Variants in ZNF461 observed in about 807,000 individuals in gnomAD.
ZNF461 encodes the protein gonadotropin-inducible ovarian transcription factor-1.
ZNF461 carries 16 observed loss-of-function variants against 18.3 expected under a neutral mutation model. The ratio of observed to expected loss-of-function variants is 0.88; its 90% CI spans 0.59 to 1.33. ZNF461 has a LOEUF of 1.33. ZNF461 is among the 40% of genes most tolerant of loss of function. The pLI is 0.00. For synonymous variants in ZNF461, 179 were observed against 216.9 expected (o/e 0.83, Z 1.54); for missense variants, 595 against 669.9 (o/e 0.89, Z 1.23).
intron 4 of ZNF461, among the ~76,000 whole-genome samples, chr19:36,644,468 C>T (rs2037486212): frequency 1.3e-5 from 2 of 150,898 alleles, no homozygotes. Context: ...GGGGTTTCAC[C>T]ATGTTGGCCA....
rs1338100431 is a variant in ZNF461 at position 36,638,498 on chromosome 19, T to C, written c.*155A>G. ...CAATAACTCAGAAACAGCATTAAAA[T>C]GAGACCAAAATTTACACTTTAGTTA... On this transcript the variant is annotated 3_prime_UTR_variant, in exon 6 of 6. Coordinates refer to ENST00000588268, the MANE Select transcript of ZNF461 (RefSeq NM_153257.5). The C allele has an allele frequency of 1.5e-5, 9 of 592,360 alleles. No homozygotes were observed. The highest frequency in any genetic ancestry group is 2.2e-5 in the Non-Finnish European group (8 of 359,912). 36.7% of individuals were successfully genotyped at this position (592,360 alleles called of 1,614,324 possible).
chr19:36,643,700 A>T, intron 5 of ZNF461, 94 bp downstream of exon 5: 1 of 1,212,734 alleles, frequency 8.2e-7, no homozygotes, highest in Non-Finnish European at 1.1e-6. Context: ...TTTCTAGAGT[A>T]GTAGGTTTGG....
In ZNF461 at chr19:36,638,414, C is replaced by T. The variant is rs2037337910; in HGVS notation, c.*239G>A. ...AAATATTTCACTGGTTTCAGTGAAA[C>T]ATGTAATTTTAGAAAATTTATTCTC... On this transcript the variant is annotated 3_prime_UTR_variant, in exon 6 of 6. Coordinates refer to ENST00000588268, the MANE Select transcript of ZNF461 (RefSeq NM_153257.5). 1.2e-5 allele frequency: 4 copies of T among 333,020 alleles called. No homozygotes were observed. The Admixed American group carries it at 1.7e-4, about 14-fold the overall frequency. 20.6% of individuals were successfully genotyped at this position (333,020 alleles called of 1,614,324 possible).
intron 4 of ZNF461, among the ~76,000 whole-genome samples, chr19:36,651,226 G>A (rs1174874927): frequency 6.3e-5 from 7 of 110,708 alleles, no homozygotes; most frequent in South Asian, 3.1e-4. Context: ...GCGAGACTCC[G>A]TCTCAGGAAA....
intron 3 of ZNF461, among the ~76,000 whole-genome samples, chr19:36,657,084 T>C (rs1359659484): frequency 1.3e-5 from 2 of 151,852 alleles, no homozygotes; most frequent in East Asian, 3.9e-4. Flanking sequence ...CGTCCCAAAG[T>C]GCTGGGATTA....
At chr19:36,660,730 A>G (rs2037804594) in intron 2 of ZNF461, among the ~76,000 whole-genome samples, 1 of 151,972 alleles carries the variant, frequency 6.6e-6, no homozygotes, top group Non-Finnish European at 1.5e-5. Context: ...AAAAGCTGAA[A>G]GAATTTGTCA....
intron 5 of ZNF461, among the ~76,000 whole-genome samples, chr19:36,640,567 T>C (rs2037406265): frequency 6.6e-6 from 1 of 152,216 alleles, no homozygotes; most frequent in Non-Finnish European, 1.5e-5. Flanking sequence ...GGGTTCTGCC[T>C]AAAGAAATAC....
intron 4 of ZNF461, among the ~76,000 whole-genome samples, chr19:36,645,399 T>C (rs2037508520): frequency 6.6e-6 from 1 of 152,240 alleles, no homozygotes; most frequent in Admixed American, 6.5e-5. Context: ...TTTCTTAGCA[T>C]ACAGCACCAA....
At position 36,639,290 on chromosome 19, in the gene ZNF461, G is replaced by A. The variant is rs531868523; in HGVS notation, c.1055C>T (p.Thr352Ile). The A allele has an allele frequency of 4.9e-5, 79 of 1,614,004 alleles. No individual in the cohort carries two copies. In the South Asian group the frequency reaches 5.7e-4, roughly 12 times the overall value. ...TTTACATTCATAAGGTTTCTCTCCA[G>A]TATGGAGTCGCAGGTGTTCAGTAAG... ...FQLTEHLRLHTGEKPYECKEC... is the reference protein window; with the variant it reads ...FQLTEHLRLHIGEKPYECKEC... Residue 352 changes from threonine to isoleucine, a missense_variant, in exon 6 of 6, where the codon ACT becomes ATT. Transcript: ENST00000588268.
At position 36,658,302 on chromosome 19, in the gene ZNF461, G is replaced by GT. The variant is rs1274200485; in HGVS notation, c.132dup (p.Leu45ThrfsTer7). 1 of 1,606,774 alleles carries GT rather than the reference G, an allele frequency of 6.2e-7. No individual in the cohort carries two copies. Among genetic ancestry groups the GT allele is most frequent in the East Asian group, 2.2e-5 (1 of 44,742 alleles). The stretch of plus-strand genomic sequence containing the variant: ...CTTAATTTTTAGATAACTTTACCAA[G>GT]TGACACCAAGTTGCTATAATTCTCC... On this transcript the variant is annotated frameshift_variant, in exon 3 of 6. Coordinates refer to ENST00000588268, the MANE Select transcript of ZNF461 (RefSeq NM_153257.5). LOFTEE classifies it high-confidence loss of function.
chr19:36,640,497 G>C (rs1600412097), intron 5 of ZNF461, among the ~76,000 whole-genome samples: 1 of 152,254 alleles, frequency 6.6e-6, no homozygotes, highest in Middle Eastern at 3.4e-3. Context: ...TGAGAATAAA[G>C]CTGCCAATAT....
chr19:36,648,096 G>A (rs1458012786), intron 4 of ZNF461, among the ~76,000 whole-genome samples: 7 of 151,964 alleles, frequency 4.6e-5, no homozygotes, highest in South Asian at 4.1e-4. Context: ...CAGGAGAATC[G>A]CTTGAAACCG....
intron 3 of ZNF461, among the ~76,000 whole-genome samples, chr19:36,656,983 C>A (rs904203194): frequency 1.3e-5 from 2 of 151,732 alleles, no homozygotes; most frequent in African/African-American, 2.4e-5. Flanking sequence ...CTCTGCCTGG[C>A]TAATTTTTGT....
intron 4 of ZNF461, among the ~76,000 whole-genome samples, chr19:36,645,725 A>G (rs1230581978): frequency 6.6e-6 from 1 of 152,162 alleles, no homozygotes; most frequent in African/African-American, 2.4e-5. Flanking sequence ...CTAGAGTCAT[A>G]ATATTCTGGA....
chr19:36,658,403 A>G lies in ZNF461; in HGVS notation c.32T>C (p.Val11Ala), dbSNP rs2037762580. The part of the protein sequence containing the change: MAHELVMFRD[V>A]AIDVSQEEWE... ...TTCCTCCTGAGAGACATCTATAGCC[A>G]CATCTCTGAACATCACCAACTCCTA... is the stretch of plus-strand genomic sequence containing the variant. The change falls in exon 3 of 6, where the codon GTG (valine) becomes GCG (alanine). Residue 11 changes from valine to alanine, a missense_variant. By Grantham distance (64) the Val-to-Ala change is moderately conservative (BLOSUM62 0). Coordinates refer to ENST00000588268, the MANE Select transcript of ZNF461 (RefSeq NM_153257.5). 2 of 1,609,550 alleles carry G rather than the reference A, an allele frequency of 1.2e-6. No individual in the cohort carries two copies. The highest frequency in any genetic ancestry group is 2.7e-5 in the African/African-American group (2 of 74,810).
intron 5 of ZNF461, among the ~76,000 whole-genome samples, chr19:36,642,967 C>A (rs1435957228): frequency 6.6e-6 from 1 of 151,976 alleles, no homozygotes; most frequent in Non-Finnish European, 1.5e-5. Context: ...TGGGGTTTCA[C>A]CATGCTGGCC....
intron 1 of ZNF461, among the ~76,000 whole-genome samples, chr19:36,666,339 C>A (rs1255145605): frequency 6.6e-6 from 1 of 152,046 alleles, no homozygotes; most frequent in Non-Finnish European, 1.5e-5. Flanking sequence ...GGGCATCCAC[C>A]CGCTTCGGGC....
At position 36,639,108 on chromosome 19, in the gene ZNF461, A is replaced by G. The variant is rs2037360508; in HGVS notation, c.1237T>C (p.Tyr413His). ...GCCTTCCCACATTCATGACATTCAT[A>G]AGGTTTCTTGCCAGAATGAATTTTC... ...HQKIHSGKKP[Y>H]ECHECGKAFC... Residue 413 changes from tyrosine to histidine, a missense_variant, in exon 6 of 6, where the codon TAT becomes CAT. Tyr to His is a moderately conservative substitution (Grantham distance 83, BLOSUM62 2). Transcript: ENST00000588268. 6.2e-7 allele frequency: 1 copy of G among 1,613,402 alleles called. No homozygotes were observed. Among genetic ancestry groups the G allele is most frequent in the Non-Finnish European group, 8.5e-7 (1 of 1,179,956 alleles).
intron 2 of ZNF461, among the ~76,000 whole-genome samples, chr19:36,664,375 G>A (rs1001373343): frequency 5.3e-5 from 8 of 152,260 alleles, no homozygotes; most frequent in African/African-American, 1.9e-4. Context: ...ATCACTTGAG[G>A]CCAGGAGTTT....
Sources: gnomAD v4.1 joint callset for allele counts (sites outside exome capture counted in the v4.1 genomes callset) on GRCh38, gnomAD v4.1.1 for gene constraint, MANE v1.5 for transcripts, NCBI Gene and HGNC (gene_info 2026-07-23, HGNC 2026-07-21) for gene names.